UBR4: variants seen among roughly 807,000 people sequenced by gnomAD.
The protein encoded by UBR4 is ubiquitin protein ligase E3 component n-recognin 4.
UBR4 carries 124 observed loss-of-function variants against 575.6 expected under a neutral mutation model. That is an observed-to-expected ratio of 0.22 (90% CI 0.19 to 0.25). UBR4 has a LOEUF of 0.25. Ranked by LOEUF, UBR4 falls within the 10% of genes least tolerant of loss-of-function variation. The pLI is 1.00. For synonymous variants in UBR4, 2,455 were observed against 2,473.7 expected (o/e 0.99, Z 0.22); for missense variants, 4,818 against 6,478.8 (o/e 0.74, Z 8.80).
At chr1:19,099,823 C>A (rs1168444677) in intron 89 of UBR4, 146 bp from the exon 90 acceptor site, 2 of 665,926 alleles carry the variant, frequency 3.0e-6, no homozygotes, top group Non-Finnish European at 4.9e-6. Flanking sequence ...CTTAAAAAAT[C>A]CGCACGTATG....
At chr1:19,190,807 G>A (rs1310788648) in intron 11 of UBR4, among the ~76,000 whole-genome samples, 2 of 152,142 alleles carry the variant, frequency 1.3e-5, no homozygotes, top group Non-Finnish European at 2.9e-5. Flanking sequence ...CATCTGGAAT[G>A]ATGCATTCGC....
In UBR4 at chr1:19,121,328, A is replaced by C. The variant is rs762349043; in HGVS notation, c.10002T>G (p.Ala3334=). The C allele has an allele frequency of 6.2e-6, 10 of 1,614,098 alleles. No individual in the cohort carries two copies. In the Admixed American group the frequency reaches 1.7e-4, roughly 27 times the overall value. Reference sequence around the variant, plus strand: ...AGGATCCCGAAGAGGCTGCCAGTGCAGCGAGCACCTTGCTGCCGCACAGAG... The same window carrying C: ...AGGATCCCGAAGAGGCTGCCAGTGCCGCGAGCACCTTGCTGCCGCACAGAG... The part of the protein sequence containing the change: ...SCALCGSKVL[A]ALAASSGSSS... The change falls in exon 68 of 106, where the codon GCT becomes GCG. Residue 3334 remains alanine, a synonymous_variant. Coordinates refer to ENST00000375254, the MANE Select transcript of UBR4 (RefSeq NM_020765.3).
In UBR4 at chr1:19,155,007, G is replaced by A; in HGVS notation, c.6369C>T (p.Phe2123=). The A allele has an allele frequency of 1.2e-6, 2 of 1,614,174 alleles. No individual in the cohort carries two copies. The highest frequency in any genetic ancestry group is 1.7e-6 in the Non-Finnish European group (2 of 1,180,032). Residue 2123 remains phenylalanine, a synonymous_variant, in exon 44 of 106, where the codon TTC becomes TTT. Transcript: ENST00000375254. ...VYYSHVLQML[F]FSYCQGKSFA... is the part of the protein sequence containing the mutation. ...ATGATTTGCCTTGACAATAGCTGAA[G>A]AACAACATCTGCAACACGTGGGAGT...
Position 19,165,016 on chromosome 1 carries a change from G to C in UBR4, c.4313-19C>G, listed in dbSNP as rs993179839. On this transcript the variant is annotated intron_variant, in intron 31 of 105. Transcript: ENST00000375254. ...TTCTCAGCTAGGAGCAGAACAAGAG[G>C]CCAGGGTCAGTAAAGAAGGGCAAGA... 1.2e-6 allele frequency: 2 copies of C among 1,613,266 alleles called. No homozygotes were observed. The highest frequency in any genetic ancestry group is 1.3e-5 in the African/African-American group (1 of 74,882).
At chr1:19,175,123 A>G in intron 20 of UBR4, 90 bp from the exon 21 acceptor site, 1 of 1,266,548 alleles carries the variant, frequency 7.9e-7, no homozygotes, top group South Asian at 1.4e-5. Flanking sequence ...ATACTTTATA[A>G]TAAGGTTTCC....
At chr1:19,126,303 G>C in intron 64 of UBR4, 143 bp downstream of exon 64, 1 of 909,046 alleles carries the variant, frequency 1.1e-6, no homozygotes, top group Non-Finnish European at 1.7e-6. Context: ...ATTCAATCAC[G>C]CCGAGATTAA....
chr1:19,077,815 G>A (rs755633895), intron 104 of UBR4, 161 bp downstream of exon 104: 2 of 1,541,876 alleles, frequency 1.3e-6, no homozygotes, highest in South Asian at 2.4e-5. Flanking sequence ...GGCTGCCAGT[G>A]TCAATCCCTC....
chr1:19,132,563 G>T (rs78247270), intron 60 of UBR4, among the ~76,000 whole-genome samples: 1 of 64,010 alleles, frequency 1.6e-5, no homozygotes, highest in East Asian at 5.3e-4. Flanking sequence ...AAATAGAACA[G>T]GAACAATAGA....
At chr1:19,118,010 A>G (rs1390325984) in intron 71 of UBR4, 100 bp from the exon 72 acceptor site, 1 of 1,133,812 alleles carries the variant, frequency 8.8e-7, no homozygotes, top group Admixed American at 1.9e-5. Flanking sequence ...ATGTGAGCCA[A>G]AGTGAGCCCA....
intron 27 of UBR4, 79 bp downstream of exon 27, chr1:19,169,356 C>A: frequency 7.8e-7 from 1 of 1,283,274 alleles, no homozygotes; most frequent in South Asian, 1.5e-5. Context: ...TAGTTTAAGC[C>A]TAATTCCTTT....
chr1:19,113,384 T>A, intron 77 of UBR4: 1 of 352,764 alleles, frequency 2.8e-6, no homozygotes, highest in East Asian at 5.5e-5. Context: ...AATCTTGGCA[T>A]CAAATTTTTT....
Position 19,177,739 on chromosome 1 carries a change from A to C in UBR4, c.2359T>G (p.Leu787Val), listed in dbSNP as rs985530469. 1.2e-6 allele frequency: 2 copies of C among 1,612,000 alleles called. No individual in the cohort carries two copies. The highest frequency in any genetic ancestry group is 2.7e-5 in the African/African-American group (2 of 74,798). Reference sequence around the variant, plus strand: ...AGGGCATTCTGCTTCATTGTAGACAAAAACCTACCAGAGAGAAAAGATGAC... The same window carrying C: ...AGGGCATTCTGCTTCATTGTAGACACAAACCTACCAGAGAGAAAAGATGAC... The part of the protein sequence containing the change: ...PECLKVWDRF[L>V]STMKQNALQG... The change falls in exon 19 of 106, where the codon TTG becomes GTG. Residue 787 changes from leucine (L) to valine (V), a missense_variant. Coordinates refer to ENST00000375254, the MANE Select transcript of UBR4 (RefSeq NM_020765.3).
chr1:19,111,304 A>G (rs376411678), intron 78 of UBR4, among the ~76,000 whole-genome samples: 1 of 152,190 alleles, frequency 6.6e-6, no homozygotes, highest in Non-Finnish European at 1.5e-5. Context: ...TTGCTTCCCA[A>G]CATACTGAAT....
At position 19,173,189 on chromosome 1, in the gene UBR4, C is replaced by T. The variant is rs751267140; in HGVS notation, c.3283G>A (p.Ala1095Thr). 25 of 1,614,028 alleles carry T rather than the reference C, an allele frequency of 1.5e-5. 1 individual carries two copies. Among genetic ancestry groups the T allele is most frequent in the South Asian group, 9.9e-5 (9 of 91,086 alleles). The change falls in exon 24 of 106, where the codon GCT becomes ACT. Residue 1095 changes from alanine to threonine, a missense_variant. Physicochemically the swap from Ala to Thr is moderately conservative, Grantham distance 58. Transcript: ENST00000375254. ...GTTCCAATATTACATACCTGTCGAG[C>T]GAAGTATTCCTCTACTATTTCAACA... ...YDVEIVEEYF[A>T]RQISSFCSID...
At chr1:19,143,861 A>C in intron 55 of UBR4, 119 bp downstream of exon 55, 1 of 791,558 alleles carries the variant, frequency 1.3e-6, no homozygotes. Context: ...GAAAAAAGAC[A>C]GATACATAAA....
In UBR4 at chr1:19,074,759, T is replaced by C. The variant is rs1485414941; in HGVS notation, c.*73A>G. The C allele has an allele frequency of 4.5e-6, 7 of 1,542,922 alleles. No homozygotes were observed. Among genetic ancestry groups the C allele is most frequent in the Non-Finnish European group, 3.6e-6 (4 of 1,122,888 alleles). On this transcript the variant is annotated 3_prime_UTR_variant, in exon 106 of 106. Coordinates refer to ENST00000375254, the MANE Select transcript of UBR4 (RefSeq NM_020765.3). Reference sequence around the variant, plus strand: ...GCAGCATCCCGCGGAGGGAACTTAATGCACAAGGAGGGAGAACAGAGGGTG... The same window carrying C: ...GCAGCATCCCGCGGAGGGAACTTAACGCACAAGGAGGGAGAACAGAGGGTG...
intron 21 of UBR4, among the ~76,000 whole-genome samples, chr1:19,174,728 A>G (rs902252010): frequency 3.3e-5 from 5 of 152,250 alleles, no homozygotes; most frequent in Non-Finnish European, 4.4e-5. Context: ...GTCTTCAAAA[A>G]TCAAGTGTCA....
At chr1:19,085,470 C>G (rs1311645178) in intron 101 of UBR4, among the ~76,000 whole-genome samples, 1 of 152,190 alleles carries the variant, frequency 6.6e-6, no homozygotes, top group African/African-American at 2.4e-5. Flanking sequence ...TGCAGTGAGC[C>G]AAGATCACGC....
chr1:19,110,161 G>C lies in UBR4; in HGVS notation c.12040C>G (p.Leu4014Val). ...KTPVVVENIT[L>V]MCLRILQKLI... ...TTCTGCAAGATCCTCAGGCACATGAGGGTAATGTTTTCAACCACCACAGGA... is the reference window on the plus strand; with the variant it reads ...TTCTGCAAGATCCTCAGGCACATGACGGTAATGTTTTCAACCACCACAGGA... The change falls in exon 81 of 106, where the codon CTC (leucine) becomes GTC (valine). Residue 4014 changes from leucine (L) to valine (V), a missense_variant. Physicochemically the swap from Leu to Val is conservative, Grantham distance 32. Transcript: ENST00000375254. The surrounding 1 kb of genome is among the most constrained non-coding windows in gnomAD (Gnocchi z 4.5). The C allele has an allele frequency of 6.2e-7, 1 of 1,614,194 alleles. No individual in the cohort carries two copies. Among genetic ancestry groups the C allele is most frequent in the Non-Finnish European group, 8.5e-7 (1 of 1,180,030 alleles).
Sources: gnomAD v4.1 joint callset for allele counts (sites outside exome capture counted in the v4.1 genomes callset) on GRCh38, gnomAD v4.1.1 for gene constraint, Gnocchi (gnomAD v3.1) non-coding constraint, MANE v1.5 for transcripts, NCBI Gene and HGNC (gene_info 2026-07-23, HGNC 2026-07-21) for gene names.